The following RARB variants were observed in gnomAD, a reference collection of about 807,000 sequenced individuals.
The protein encoded by RARB is retinoic acid receptor beta.
In RARB, 17 loss-of-function variants were observed where a neutral mutation model predicts 51.9. That is an observed-to-expected ratio of 0.33 (90% confidence interval 0.22 to 0.49). The LOEUF is 0.49. Among genes scored for constraint, RARB ranks in the 20% least tolerant of loss-of-function variants. The pLI, the probability that RARB is intolerant of heterozygous loss-of-function variation, is 0.99. For synonymous variants in RARB, 215 were observed against 195.4 expected (o/e 1.10, Z -0.84); for missense variants, 369 against 550.8 (o/e 0.67, Z 3.30).
intron 5 of RARB, among the ~76,000 whole-genome samples, chr3:25,260,302 GT>G (rs1702967158): frequency 6.6e-6 from 1 of 152,078 alleles, no homozygotes; most frequent in Admixed American, 6.6e-5. Flanking sequence ...ACATATATAT[GT>G]GGTTTTGGAA....
At chr3:25,174,571 G>A (rs770431263) in exon 5 of RARB, 83 of 1,351,890 alleles carry the variant, frequency 6.1e-5, no homozygotes, top group Non-Finnish European at 7.7e-5. Flanking sequence ...CCCCGTCGCC[G>A]GCAAGTAAGT....
At position 25,186,280 on chromosome 3, in the gene RARB, T is replaced by C. The variant is rs566832300; in HGVS notation, c.178+11705T>C. Among the ~76,000 whole-genome samples the C allele has an allele frequency of 8.5e-5, 13 of 152,186 alleles. No homozygotes were observed. In the South Asian group the frequency reaches 2.7e-3, roughly 32 times the overall value. On this transcript the variant is annotated intron_variant, in intron 5 of 11. Transcript: ENST00000383772. ...CCAGTACAGATGAAAAAATTAAGAA[T>C]TATGGCTACAATACCAAGTATTAGA... is the stretch of plus-strand genomic sequence containing the variant.
chr3:25,279,889 G>T (rs1461656057), intron 5 of RARB, among the ~76,000 whole-genome samples: 1 of 152,132 alleles, frequency 6.6e-6, no homozygotes, highest in Non-Finnish European at 1.5e-5. Context: ...TCAGTCTTTG[G>T]TCTAAAGGGA....
chr3:25,504,142 G>A (rs932271720), intron 3 of RARB, among the ~76,000 whole-genome samples: 8 of 152,204 alleles, frequency 5.3e-5, no homozygotes, highest in Non-Finnish European at 2.9e-5. Context: ...ACAACTCTAC[G>A]CATGTCACTG....
chr3:24,926,955 G>T (rs1051484961), intron 2 of RARB, among the ~76,000 whole-genome samples: 6 of 151,974 alleles, frequency 3.9e-5, no homozygotes, highest in African/African-American at 1.4e-4. Flanking sequence ...GCTGAACTTC[G>T]AAATAAGAGC....
intron 4 of RARB, among the ~76,000 whole-genome samples, chr3:25,169,357 C>T (rs1199553112): frequency 6.6e-6 from 1 of 152,206 alleles, no homozygotes; most frequent in African/African-American, 2.4e-5. Context: ...GGAGGAATGT[C>T]TCCAACTGTG....
intron 1 of RARB, among the ~76,000 whole-genome samples, chr3:24,857,925 T>C (rs1053677460): frequency 1.3e-5 from 2 of 152,100 alleles, no homozygotes; most frequent in Non-Finnish European, 2.9e-5. Context: ...CAAGTTCCTG[T>C]CTCCCCGCCC....
At chr3:25,218,935 G>C (rs577158209) in intron 5 of RARB, among the ~76,000 whole-genome samples, 2 of 152,252 alleles carry the variant, frequency 1.3e-5, no homozygotes, top group Non-Finnish European at 2.9e-5. Flanking sequence ...CTACCTTCAC[G>C]CTTGCCTTGC....
At chr3:25,423,088 G>A (rs990653890) in intron 5 of RARB, among the ~76,000 whole-genome samples, 12 of 152,176 alleles carry the variant, frequency 7.9e-5, no homozygotes, top group South Asian at 4.1e-4. Context: ...CAGTGGCCCC[G>A]TACAGAAAAT....
chr3:25,153,001 G>C (rs1310244874), intron 4 of RARB, among the ~76,000 whole-genome samples: 1 of 152,142 alleles, frequency 6.6e-6, no homozygotes, highest in African/African-American at 2.4e-5. Flanking sequence ...GGAAAAAAAG[G>C]AACAAACTTC....
At chr3:24,848,707 A>G (rs1702515721) in intron 1 of RARB, among the ~76,000 whole-genome samples, 1 of 152,136 alleles carries the variant, frequency 6.6e-6, no homozygotes, top group African/African-American at 2.4e-5. Context: ...CCCTTTTACT[A>G]ATTGCAACGT....
At chr3:25,362,107 C>T (rs1203608375) in intron 5 of RARB, among the ~76,000 whole-genome samples, 3 of 152,168 alleles carry the variant, frequency 2.0e-5, no homozygotes, top group Non-Finnish European at 4.4e-5. Flanking sequence ...GGTGCTGTGT[C>T]CCAGGGAGAT....
intron 2 of RARB, among the ~76,000 whole-genome samples, chr3:25,495,762 C>T (rs561690143): frequency 5.3e-4 from 81 of 152,204 alleles, no homozygotes; most frequent in African/African-American, 1.6e-3. Flanking sequence ...ATTGTGTTAC[C>T]GGCTTAACTA....
intron 2 of RARB, among the ~76,000 whole-genome samples, chr3:25,005,583 G>A (rs1482960354): frequency 6.6e-6 from 1 of 152,138 alleles, no homozygotes; most frequent in African/African-American, 2.4e-5. Flanking sequence ...GAGATAGCAA[G>A]ATGGAAGCCA....
chr3:25,571,640 A>G (rs1700716279), intron 4 of RARB, among the ~76,000 whole-genome samples: 1 of 152,238 alleles, frequency 6.6e-6, no homozygotes, highest in Non-Finnish European at 1.5e-5. Flanking sequence ...ATGTGACCCC[A>G]TGTATCCAGA....
chr3:25,138,262 T>C (rs1315684033), intron 4 of RARB, among the ~76,000 whole-genome samples: 1 of 152,020 alleles, frequency 6.6e-6, no homozygotes, highest in East Asian at 1.9e-4. Context: ...CATGAAGAAA[T>C]TATGACCAGT....
At chr3:25,181,203 A>T in intron 5 of RARB, among the ~76,000 whole-genome samples, 1 of 152,162 alleles carries the variant, frequency 6.6e-6, no homozygotes, top group Non-Finnish European at 1.5e-5. Context: ...AACCATTTAG[A>T]TCTAAAACCC....
intron 5 of RARB, among the ~76,000 whole-genome samples, chr3:25,419,319 C>G (rs1449042955): frequency 1.3e-5 from 2 of 152,072 alleles, no homozygotes; most frequent in African/African-American, 4.8e-5. Context: ...ACTCAAATGC[C>G]AAAGTGCCAT....
At chr3:25,144,612 A>C (rs1281413869) in intron 4 of RARB, among the ~76,000 whole-genome samples, 1 of 152,248 alleles carries the variant, frequency 6.6e-6, no homozygotes, top group Non-Finnish European at 1.5e-5. Context: ...GGTAGTTGGC[A>C]TAGTGCCAGG....
Sources: allele counts gnomAD v4.1 joint callset (sites outside exome capture counted in the v4.1 genomes callset), GRCh38; gene constraint gnomAD v4.1.1; transcripts MANE v1.5; gene names NCBI Gene and HGNC (gene_info 2026-07-23, HGNC 2026-07-21).